The following EIF4G3 variants were observed in gnomAD, a reference collection of about 807,000 sequenced individuals.
EIF4G3 encodes the protein eIF-4-gamma 3.
Under a neutral mutation model 186.4 loss-of-function variants are expected in EIF4G3, and 34 were observed. That is an observed-to-expected ratio of 0.18 (90% CI 0.14 to 0.24). EIF4G3 has a LOEUF of 0.24. EIF4G3 is among the 10% of genes least tolerant of loss of function. EIF4G3 has a pLI of 1.00. For missense variants in EIF4G3, 1,536 were observed against 1,948.5 expected (o/e 0.79, Z 3.99); for synonymous variants, 673 against 679.5 (o/e 0.99, Z 0.15).
intron 30 of EIF4G3, among the ~76,000 whole-genome samples, chr1:20,836,383 T>C (rs951543882): frequency 2.0e-5 from 3 of 152,128 alleles, no homozygotes; most frequent in East Asian, 1.9e-4. Flanking sequence ...GCTGTAATTA[T>C]TGGCACGTGC....
chr1:21,142,583 C>A (rs893271091), intron 2 of EIF4G3, among the ~76,000 whole-genome samples: 44 of 152,014 alleles, frequency 2.9e-4, no homozygotes, highest in African/African-American at 1.0e-3. Flanking sequence ...TAAATACAAA[C>A]AAAAATGAAG....
At chr1:21,069,765 CGGGGGAGAGGA>C (rs1225395394) in intron 3 of EIF4G3, among the ~76,000 whole-genome samples, 1 of 151,924 alleles carries the variant, frequency 6.6e-6, no homozygotes, top group Non-Finnish European at 1.5e-5. Context: ...GAATTTTTAC[CGGGGGAGAGGA>C]GGGGGTAGGA....
At chr1:21,145,169 G>C (rs2097416524) in intron 2 of EIF4G3, among the ~76,000 whole-genome samples, 1 of 152,034 alleles carries the variant, frequency 6.6e-6, no homozygotes, top group Admixed American at 6.6e-5. Flanking sequence ...TTAGTATTTT[G>C]CATGGAGGGC....
chr1:21,081,831 C>T (rs897036168), intron 3 of EIF4G3, among the ~76,000 whole-genome samples: 9 of 151,768 alleles, frequency 5.9e-5, no homozygotes, highest in Non-Finnish European at 1.0e-4. Context: ...TTAGTAGAGG[C>T]GGTGTTTCGC....
At chr1:21,167,978 T>C (rs2097886398) in intron 2 of EIF4G3, 1 of 457,154 alleles carries the variant, frequency 2.2e-6, no homozygotes. Flanking sequence ...GGTTTGAACA[T>C]TCCCCTTTGT....
chr1:21,009,710 A>G (rs1208554032), intron 4 of EIF4G3, among the ~76,000 whole-genome samples: 1 of 151,938 alleles, frequency 6.6e-6, no homozygotes, highest in Non-Finnish European at 1.5e-5. Flanking sequence ...GCTGGAGTGC[A>G]GTGGCACGAT....
intron 10 of EIF4G3, among the ~76,000 whole-genome samples, chr1:20,974,590 G>A (rs1570075157): frequency 1.3e-5 from 2 of 152,168 alleles, no homozygotes; most frequent in African/African-American, 4.8e-5. Context: ...TGAAAACCAT[G>A]AGTACAAATA....
At chr1:20,861,463 C>G (rs1371411889) in intron 23 of EIF4G3, among the ~76,000 whole-genome samples, 1 of 152,150 alleles carries the variant, frequency 6.6e-6, no homozygotes, top group African/African-American at 2.4e-5. Context: ...GAAGAAAACA[C>G]CAATATCTGA....
At chr1:20,839,355 C>A (rs1209101121) in intron 30 of EIF4G3, among the ~76,000 whole-genome samples, 1 of 152,120 alleles carries the variant, frequency 6.6e-6, no homozygotes, top group South Asian at 2.1e-4. Flanking sequence ...TCGTGATCTG[C>A]CCACCTCGGC....
intron 4 of EIF4G3, among the ~76,000 whole-genome samples, chr1:21,021,952 A>G (rs1399505843): frequency 6.6e-6 from 1 of 152,220 alleles, no homozygotes; most frequent in Non-Finnish European, 1.5e-5. Context: ...TATTGCTACT[A>G]TAATTTAATA....
At chr1:20,914,883 A>G (rs548172739) in intron 14 of EIF4G3, among the ~76,000 whole-genome samples, 22 of 152,326 alleles carry the variant, frequency 1.4e-4, no homozygotes, top group Non-Finnish European at 8.8e-5. Flanking sequence ...GTATTTGAAA[A>G]GAATGTGTAT....
intron 14 of EIF4G3, among the ~76,000 whole-genome samples, chr1:20,939,199 C>A (rs1348660768): frequency 1.4e-5 from 2 of 145,448 alleles, no homozygotes; most frequent in Non-Finnish European, 3.0e-5. Flanking sequence ...TTAAGATGTA[C>A]AAGGAAATTA....
At chr1:20,980,763 T>C (rs1010430456) in intron 9 of EIF4G3, among the ~76,000 whole-genome samples, 2 of 152,176 alleles carry the variant, frequency 1.3e-5, no homozygotes, top group Non-Finnish European at 2.9e-5. Flanking sequence ...AGGAACAGCA[T>C]AATCACTGAG....
At position 20,892,599 on chromosome 1, in the gene EIF4G3, A is replaced by G. The variant is rs766488581; in HGVS notation, c.2253+918T>C. ...TAACACCAGAGACTATTATTACAAA[A>G]AACAAAGTGTTCAGCGCACCCCTAG... On this transcript the variant is annotated intron_variant, in intron 18 of 36. Transcript: ENST00000602326. 3.4e-6 allele frequency: 5 copies of G among 1,463,854 alleles called. No homozygotes were observed. In the South Asian group the frequency reaches 6.1e-5, roughly 18 times the overall value. 90.7% of individuals were successfully genotyped at this position (1,463,854 alleles called of 1,614,324 possible).
intron 4 of EIF4G3, among the ~76,000 whole-genome samples, chr1:21,009,519 T>G (rs2086335798): frequency 6.6e-6 from 1 of 151,930 alleles, no homozygotes; most frequent in African/African-American, 2.4e-5. Context: ...GGGTACAAAT[T>G]AATTGAGAGA....
intron 4 of EIF4G3, among the ~76,000 whole-genome samples, chr1:21,045,392 A>G (rs966580926): frequency 1.3e-5 from 2 of 152,228 alleles, no homozygotes; most frequent in Non-Finnish European, 2.9e-5. Flanking sequence ...TAAAGTATCT[A>G]ACCAGTGGAT....
chr1:21,080,436 G>A (rs1037297322), intron 3 of EIF4G3, among the ~76,000 whole-genome samples: 7 of 150,324 alleles, frequency 4.7e-5, no homozygotes, highest in East Asian at 1.9e-4. Context: ...GGAGGACCCC[G>A]TCTCAAAAAA....
chr1:20,852,139 G>A (rs553467729), intron 27 of EIF4G3, among the ~76,000 whole-genome samples: 23 of 152,166 alleles, frequency 1.5e-4, no homozygotes, highest in African/African-American at 4.3e-4. Flanking sequence ...CTCCGCCTAC[G>A]GGTTCAAGTG....
chr1:21,019,353 G>A (rs1337224285), intron 4 of EIF4G3, among the ~76,000 whole-genome samples: 1 of 152,108 alleles, frequency 6.6e-6, no homozygotes, highest in Non-Finnish European at 1.5e-5. Context: ...TTGTTGAATT[G>A]TAAACAATAC....
Sources: allele counts gnomAD v4.1 joint callset (sites outside exome capture counted in the v4.1 genomes callset), GRCh38; gene constraint gnomAD v4.1.1; transcripts MANE v1.5; gene names NCBI Gene and HGNC (gene_info 2026-07-23, HGNC 2026-07-21).